UNC5B: variants seen among roughly 807,000 people sequenced by gnomAD.
The protein encoded by UNC5B is unc-5 netrin receptor B.
In UNC5B, 56 loss-of-function variants were observed where a neutral mutation model predicts 103.7. That is an observed-to-expected ratio of 0.54 (90% CI 0.44 to 0.67). The LOEUF is 0.67. Ranked by LOEUF, UNC5B falls within the 30% of genes least tolerant of loss-of-function variation. UNC5B has a pLI of 0.00. For synonymous variants in UNC5B, 577 were observed against 542.0 expected, an observed-to-expected ratio of 1.06 and a Z score of -0.90; for missense variants, 1,194 against 1,284.5, an observed-to-expected ratio of 0.93 and a Z score of 1.08.
At chr10:71,290,829 C>G (rs1845228872) in intron 8 of UNC5B, 86 bp from the exon 9 acceptor site, 2 of 1,481,984 alleles carry the variant, frequency 1.3e-6, no homozygotes, top group African/African-American at 1.4e-5. Context: ...GCCCTGGGCC[C>G]TGCCCTTTCC....
chr10:71,251,401 C>T (rs74145397), intron 1 of UNC5B, among the ~76,000 whole-genome samples: 3,278 of 152,210 alleles, frequency 0.022, 116 homozygotes, highest in African/African-American at 0.07. Context: ...ACAATAGAAA[C>T]GCTGTACATG....
At chr10:71,274,036 T>G (rs1844707616) in intron 1 of UNC5B, among the ~76,000 whole-genome samples, 1 of 152,206 alleles carries the variant, frequency 6.6e-6, no homozygotes, top group Admixed American at 6.5e-5. Flanking sequence ...GTGCACTGTT[T>G]AGTTAGAAGT....
intron 1 of UNC5B, among the ~76,000 whole-genome samples, chr10:71,263,547 G>GCCAGCCC (rs369624913): frequency 1.9e-3 from 285 of 152,316 alleles, no homozygotes; most frequent in African/African-American, 6.5e-3. Flanking sequence ...GCTAGATAGA[G>GCCAGCCC]CCAGCCCCCA....
chr10:71,300,654 T>C lies in UNC5B; in HGVS notation c.*1377T>C, dbSNP rs1845567175. 6.6e-6 allele frequency: 1 copy of C among 152,276 alleles called. No individual in the cohort carries two copies. Among genetic ancestry groups the C allele is most frequent in the South Asian group, 2.1e-4 (1 of 4,808 alleles). 9.4% of individuals were successfully genotyped at this position (152,276 alleles called of 1,614,324 possible). A position where few individuals can be genotyped will look rare whatever the true frequency, so the allele number is the denominator to read the frequency against. On this transcript the variant is annotated 3_prime_UTR_variant, in exon 17 of 17. Coordinates refer to ENST00000335350, the MANE Select transcript of UNC5B (RefSeq NM_170744.5). ...AATCTGCCCTTCCCCAACCTTGGTT[T>C]CTCCTTCTGTAAAGCAGAGTGATGG... is the stretch of plus-strand genomic sequence containing the variant.
At chr10:71,240,150 A>T (rs1237504184) in intron 1 of UNC5B, among the ~76,000 whole-genome samples, 2 of 151,902 alleles carry the variant, frequency 1.3e-5, no homozygotes, top group East Asian at 3.9e-4. Flanking sequence ...CCCGGAGATT[A>T]TGAGCCGCGC....
At chr10:71,298,571 C>G (rs545556949) in intron 16 of UNC5B, among the ~76,000 whole-genome samples, 1 of 152,138 alleles carries the variant, frequency 6.6e-6, no homozygotes, top group Admixed American at 6.5e-5. Context: ...AAATATTATA[C>G]TTATTGAAAG....
At chr10:71,242,085 C>T (rs149302600) in intron 1 of UNC5B, among the ~76,000 whole-genome samples, 2,035 of 152,272 alleles carry the variant, frequency 0.013, 45 homozygotes, top group African/African-American at 0.046. Flanking sequence ...GCCCTTCTTC[C>T]TAGGCCAACC....
intron 1 of UNC5B, among the ~76,000 whole-genome samples, chr10:71,279,457 C>T (rs1844857167): frequency 6.6e-6 from 1 of 152,214 alleles, no homozygotes; most frequent in Non-Finnish European, 1.5e-5. Context: ...AGAAGCCGGG[C>T]AGGGACAGTG....
chr10:71,291,383 C>T (rs1845250217), intron 9 of UNC5B, 49 bp from the exon 10 acceptor site: 2 of 1,538,552 alleles, frequency 1.3e-6, no homozygotes, highest in African/African-American at 2.8e-5. Flanking sequence ...GGAGCTGGGC[C>T]AGTGAGCTGA....
intron 1 of UNC5B, among the ~76,000 whole-genome samples, chr10:71,221,443 G>A (rs930463677): frequency 3.9e-5 from 6 of 152,196 alleles, no homozygotes; most frequent in Admixed American, 3.3e-4. Flanking sequence ...GCAGGGGGAG[G>A]CCAATCTTGG....
At chr10:71,262,045 C>T (rs1326349358) in intron 1 of UNC5B, among the ~76,000 whole-genome samples, 1 of 152,110 alleles carries the variant, frequency 6.6e-6, no homozygotes, top group Non-Finnish European at 1.5e-5. Flanking sequence ...CAAAGCAACA[C>T]AGGCCCAGAC....
rs145222295 is a variant in UNC5B, at chr10:71,268,744, A to T, written c.80-11077A>T. ...AGAACAGCCTTAACCCTGGGCTTTC[A>T]GGGCGGCATGGGGATGTAAGCACTG... On this transcript the variant is annotated intron_variant, in intron 1 of 16. Coordinates refer to ENST00000335350, the MANE Select transcript of UNC5B (RefSeq NM_170744.5). Among the ~76,000 whole-genome samples, 411 of 152,294 alleles carry T rather than the reference A, an allele frequency of 2.7e-3. 3 individuals carry two copies. The highest frequency in any genetic ancestry group is 4.7e-3 in the Non-Finnish European group (319 of 68,014).
chr10:71,235,423 G>T (rs1264029291), intron 1 of UNC5B, among the ~76,000 whole-genome samples: 1 of 152,266 alleles, frequency 6.6e-6, no homozygotes, highest in African/African-American at 2.4e-5. Flanking sequence ...ACCCACTTCA[G>T]CGGGAAGAAG....
At chr10:71,241,209 T>C (rs938973099) in intron 1 of UNC5B, among the ~76,000 whole-genome samples, 1 of 152,196 alleles carries the variant, frequency 6.6e-6, no homozygotes, top group Non-Finnish European at 1.5e-5. Flanking sequence ...CCAGGGCTCC[T>C]GTCTTGAGAC....
Position 71,293,420 on chromosome 10 carries a change from G to T in UNC5B, c.1788G>T (p.Gly596=). The change falls in exon 12 of 17, where the codon GGG becomes GGT. Residue 596 remains glycine (G), a synonymous_variant. Coordinates refer to ENST00000335350, the MANE Select transcript of UNC5B (RefSeq NM_170744.5). The part of the protein sequence containing the change: ...KAESTLPLSE[G]TQTVLSPSVT... ...CCTCCTCCAGCCCGCTTTCAGAAGG[G>T]ACCCAGACAGTATTGAGCCCCTCGG... The T allele has an allele frequency of 6.2e-7, 1 of 1,613,556 alleles. No individual in the cohort carries two copies.
chr10:71,250,477 A>G (rs1844148372), intron 1 of UNC5B, among the ~76,000 whole-genome samples: 1 of 152,240 alleles, frequency 6.6e-6, no homozygotes, highest in African/African-American at 2.4e-5. Flanking sequence ...CAACCTCCCC[A>G]GACCTGTATA....
intron 1 of UNC5B, chr10:71,217,309 G>A (rs1300190175): frequency 1.3e-5 from 2 of 152,494 alleles, no homozygotes; most frequent in East Asian, 1.9e-4. Context: ...CTTTGCGGAA[G>A]GCCTAGGGTA....
Position 71,290,982 on chromosome 10 carries a change from A to G in UNC5B, c.1167A>G (p.Ala389=). 1 of 1,614,056 alleles carries G rather than the reference A, an allele frequency of 6.2e-7. No individual in the cohort carries two copies. Among genetic ancestry groups the G allele is most frequent in the Middle Eastern group, 1.7e-4 (1 of 6,060 alleles). The change falls in exon 9 of 17, where the codon GCA becomes GCG. Residue 389 remains alanine, a synonymous_variant. Coordinates refer to ENST00000335350, the MANE Select transcript of UNC5B (RefSeq NM_170744.5). ...GLVVAIFVVV[A]ILMAVGVVVY... is the part of the protein sequence containing the mutation. ...TGGTGGCCATCTTCGTGGTCGTGGC[A>G]ATCCTCATGGCGGTGGGGGTGGTGG...
In UNC5B at chr10:71,221,994, C is replaced by G. The variant is rs57098847; in HGVS notation, c.79+8930C>G. The stretch of plus-strand genomic sequence containing the variant: ...GCTCAGTGACATTCACTACTGTCAT[C>G]ATCATCATCATCATCATCATCATCA... On this transcript the variant is annotated intron_variant, in intron 1 of 16. Coordinates refer to ENST00000335350, the MANE Select transcript of UNC5B (RefSeq NM_170744.5). Among the ~76,000 whole-genome samples, 1,221 of 152,102 alleles carry G rather than the reference C, an allele frequency of 8.0e-3. 27 individuals carry two copies. The East Asian group carries it at 0.098, about 12-fold the overall frequency.
Sources: gnomAD v4.1 joint callset for allele counts (sites outside exome capture counted in the v4.1 genomes callset) on GRCh38, gnomAD v4.1.1 for gene constraint, MANE v1.5 for transcripts, NCBI Gene and HGNC (gene_info 2026-07-23, HGNC 2026-07-21) for gene names.